Variants in ANKRD30A observed in about 807,000 individuals in gnomAD.
ANKRD30A encodes the protein ankyrin repeat domain-containing protein 30A.
A neutral mutation model predicts 166.3 loss-of-function variants in ANKRD30A; 170 were observed. The ratio of observed to expected loss-of-function variants is 1.02; its 90% CI spans 0.90 to 1.16. ANKRD30A has a LOEUF of 1.16. Among genes scored for constraint, ANKRD30A ranks in the 50% most tolerant of loss-of-function variants. ANKRD30A has a pLI of 0.00. For synonymous variants in ANKRD30A, 564 were observed against 508.9 expected (o/e 1.11, Z -1.46); for missense variants, 1,630 against 1,518.0 (o/e 1.07, Z -1.23).
chr10:37,160,808 C>T (rs573105235), intron 15 of ANKRD30A, among the ~76,000 whole-genome samples: 10 of 152,206 alleles, frequency 6.6e-5, no homozygotes, highest in South Asian at 4.1e-4. Flanking sequence ...AAATTCTCCA[C>T]GGCTTCACAT....
rs373081376 is a variant in ANKRD30A, at chr10:37,225,269, G to A, written c.4185+5372G>A. ...TTAGAATGTTTTCAAACTATGTTAC[G>A]TCGAAACCAATGAGAGAGGGTCATA... On this transcript the variant is annotated intron_variant, in intron 34 of 35. Coordinates refer to ENST00000361713, the MANE Select transcript of ANKRD30A (RefSeq NM_052997.3). Among the ~76,000 whole-genome samples, 62 of 151,380 alleles carry A rather than the reference G, an allele frequency of 4.1e-4. 2 individuals carry two copies. In the East Asian group the frequency reaches 6.8e-3, roughly 17 times the overall value.
intron 35 of ANKRD30A, 127 bp downstream of exon 35, chr10:37,231,807 C>G (rs1238636199): frequency 1.1e-5 from 2 of 178,596 alleles, no homozygotes; most frequent in Admixed American, 6.3e-5. Flanking sequence ...CCTGCGTTAA[C>G]AAAGAAAGAA....
intron 3 of ANKRD30A, 116 bp downstream of exon 3, chr10:37,130,494 G>A: frequency 1.3e-6 from 1 of 775,312 alleles, no homozygotes; most frequent in Non-Finnish European, 1.8e-6. Context: ...AAAATAGTTT[G>A]AAAGAACTTA....
At chr10:37,165,247 A>C in intron 18 of ANKRD30A, 92 bp downstream of exon 18, 1 of 1,190,638 alleles carries the variant, frequency 8.4e-7, no homozygotes, top group East Asian at 2.4e-5. Flanking sequence ...TCACCTCTGC[A>C]TGTGTCACCC....
At chr10:37,247,772 C>G in the ANKRD30A span, among the ~76,000 whole-genome samples, 1 of 150,526 alleles carries the variant, frequency 6.6e-6, no homozygotes, top group Non-Finnish European at 1.5e-5. Flanking sequence ...GTCCCAGCTA[C>G]TCCGGAGGCT....
intron 34 of ANKRD30A, among the ~76,000 whole-genome samples, chr10:37,220,664 C>T (rs1842858763): frequency 1.3e-5 from 2 of 151,048 alleles, no homozygotes; most frequent in African/African-American, 4.8e-5. Flanking sequence ...AAATAATTTG[C>T]TCATAATTTC....
In ANKRD30A at chr10:37,125,862, C is replaced by A; in HGVS notation, c.75C>A (p.Val25=). Residue 25 remains valine (V), a synonymous_variant, in exon 1 of 36, where the codon GTC becomes GTA. Transcript: ENST00000361713. ...GCCCGAGCCCTTTCAGCCAGCTAGT[C>A]TATACCAGCAACGACTCCTACATCG... The part of the protein sequence containing the change: ...PERPSPFSQL[V]YTSNDSYIVH... 1 of 1,402,252 alleles carries A rather than the reference C, an allele frequency of 7.1e-7. No individual in the cohort carries two copies. Among genetic ancestry groups the A allele is most frequent in the East Asian group, 2.3e-5 (1 of 42,884 alleles). 86.9% of individuals were successfully genotyped at this position (1,402,252 alleles called of 1,614,324 possible).
chr10:37,154,375 G>A (rs1297011460), intron 13 of ANKRD30A, among the ~76,000 whole-genome samples: 2 of 152,198 alleles, frequency 1.3e-5, no homozygotes, highest in Non-Finnish European at 2.9e-5. Context: ...AAAGTTCTCA[G>A]GTGATGCTGA....
chr10:37,184,001 A>C (rs1175293508), intron 24 of ANKRD30A, among the ~76,000 whole-genome samples: 1 of 151,718 alleles, frequency 6.6e-6, no homozygotes, highest in Non-Finnish European at 1.5e-5. Context: ...ACAAAAAATT[A>C]GCCGGACGTG....
intron 27 of ANKRD30A, among the ~76,000 whole-genome samples, chr10:37,194,495 C>A (rs2132668646): frequency 6.6e-6 from 1 of 152,114 alleles, no homozygotes. Flanking sequence ...CGCGTGCCAC[C>A]ACGCCTGGCT....
At chr10:37,213,331 G>A (rs551611087) in intron 31 of ANKRD30A, among the ~76,000 whole-genome samples, 1 of 151,866 alleles carries the variant, frequency 6.6e-6, no homozygotes, top group African/African-American at 2.4e-5. Context: ...GGCAGAAAGG[G>A]TAAAGAGGCT....
At chr10:37,150,165 C>T (rs1405588254) in intron 11 of ANKRD30A, among the ~76,000 whole-genome samples, 1 of 152,034 alleles carries the variant, frequency 6.6e-6, no homozygotes, top group Non-Finnish European at 1.5e-5. Context: ...TCTTTTAGTT[C>T]TTCGAAGCTT....
chr10:37,211,494 T>A (rs1842314396), intron 31 of ANKRD30A, among the ~76,000 whole-genome samples: 1 of 152,148 alleles, frequency 6.6e-6, no homozygotes, highest in South Asian at 2.1e-4. Context: ...TAGTATTCCA[T>A]GGTGTATATG....
At chr10:37,238,818 T>G in the ANKRD30A span, among the ~76,000 whole-genome samples, 2 of 152,142 alleles carry the variant, frequency 1.3e-5, no homozygotes, top group African/African-American at 2.4e-5. Flanking sequence ...CAGTAAAGCC[T>G]CCTTCCTTTA....
chr10:37,137,559 G>A (rs1836797912), intron 6 of ANKRD30A, among the ~76,000 whole-genome samples: 1 of 152,118 alleles, frequency 6.6e-6, no homozygotes, highest in Non-Finnish European at 1.5e-5. Context: ...CTTAGCAAAC[G>A]GCACACCAGG....
In ANKRD30A at chr10:37,216,362, A is replaced by G. The variant is rs1842609405; in HGVS notation, c.3051A>G (p.Lys1017=). Residue 1017 remains lysine, a synonymous_variant, in exon 32 of 36, where the codon AAA becomes AAG. Coordinates refer to ENST00000361713, the MANE Select transcript of ANKRD30A (RefSeq NM_052997.3). The part of the protein sequence containing the change: ...KEIKSQLENQ[K]VKWEQELCSV... Reference sequence around the variant, plus strand: ...TAAAATCACAGTTAGAGAACCAAAAAGTTAAATGGGAACAAGAGCTCTGCA... The same window carrying G: ...TAAAATCACAGTTAGAGAACCAAAAGGTTAAATGGGAACAAGAGCTCTGCA... 1 of 1,607,020 alleles carries G rather than the reference A, an allele frequency of 6.2e-7. No individual in the cohort carries two copies. Among genetic ancestry groups the G allele is most frequent in the Non-Finnish European group, 8.5e-7 (1 of 1,175,884 alleles).
downstream of ANKRD30A, among the ~76,000 whole-genome samples, chr10:37,237,383 T>C (rs1182847827): frequency 1.3e-5 from 2 of 152,186 alleles, no homozygotes. Flanking sequence ...CCATATTATA[T>C]AAAACAGAAC....
intron 25 of ANKRD30A, among the ~76,000 whole-genome samples, chr10:37,191,248 A>G (rs962416247): frequency 6.6e-6 from 1 of 151,768 alleles, no homozygotes; most frequent in African/African-American, 2.4e-5. Context: ...AAATGTTGGC[A>G]TACTATTCCA....
chr10:37,208,792 A>G (rs190776528), intron 31 of ANKRD30A, among the ~76,000 whole-genome samples: 144 of 152,300 alleles, frequency 9.5e-4, no homozygotes, highest in Admixed American at 1.7e-3. Context: ...AGCAAGTGAA[A>G]GTAAACTTAA....
Sources: allele counts gnomAD v4.1 joint callset (sites outside exome capture counted in the v4.1 genomes callset), GRCh38; gene constraint gnomAD v4.1.1; transcripts MANE v1.5; gene names NCBI Gene and HGNC (gene_info 2026-07-23, HGNC 2026-07-21).